The following TUBD1 variants were observed in gnomAD, a reference collection of about 807,000 sequenced individuals.
TUBD1 encodes the protein tubulin delta chain.
TUBD1 carries 38 observed loss-of-function variants against 51.2 expected under a neutral mutation model. The observed-to-expected ratio is 0.74, with a 90% CI of 0.57 to 0.97. TUBD1 has a LOEUF of 0.97. Among genes scored for constraint, TUBD1 ranks in the 50% least tolerant of loss-of-function variants. TUBD1 has a pLI of 0.00. For missense variants in TUBD1, 489 were observed against 538.4 expected, an observed-to-expected ratio of 0.91 and a Z score of 0.91; for synonymous variants, 169 against 178.2, an observed-to-expected ratio of 0.95 and a Z score of 0.41.
intron 6 of TUBD1, among the ~76,000 whole-genome samples, chr17:59,874,269 T>C (rs1471119665): frequency 1.3e-5 from 2 of 152,102 alleles, no homozygotes; most frequent in African/African-American, 4.8e-5. Context: ...TAAATGAGTT[T>C]TGGCTACTTG....
intron 6 of TUBD1, among the ~76,000 whole-genome samples, chr17:59,872,384 C>T (rs2040021868): frequency 6.6e-6 from 1 of 151,998 alleles, no homozygotes; most frequent in South Asian, 2.1e-4. Context: ...TGTGAGCCAT[C>T]ACATCTGAGA....
At position 59,881,076 on chromosome 17, in the gene TUBD1, T is replaced by C. The variant is rs375587743; in HGVS notation, c.355A>G (p.Ile119Val). The C allele has an allele frequency of 9.2e-5, 148 of 1,614,168 alleles. 1 individual carries two copies. In the South Asian group the frequency reaches 1.4e-3, roughly 15 times the overall value. The part of the protein sequence containing the change: ...SVHGPRHEES[I>V]MNIIRKEVEK... ...ACTTCCTTCCGGATTATGTTCATTA[T>C]AGATTCTTCATGCCTGGGTCCATGA... is the stretch of plus-strand genomic sequence containing the variant. The change falls in exon 4 of 9, where the codon ATA becomes GTA. Residue 119 changes from isoleucine (I) to valine (V), a missense_variant. By Grantham distance (29) the Ile-to-Val change is conservative (BLOSUM62 3). Coordinates refer to ENST00000325752, the MANE Select transcript of TUBD1 (RefSeq NM_016261.4).
At chr17:59,888,230 C>T (rs374148414) in intron 2 of TUBD1, among the ~76,000 whole-genome samples, 1 of 152,084 alleles carries the variant, frequency 6.6e-6, no homozygotes, top group Non-Finnish European at 1.5e-5. Context: ...CCACTGCACC[C>T]GGCCGATGTC....
chr17:59,890,018 G>A, intron 2 of TUBD1, among the ~76,000 whole-genome samples: 1 of 136,006 alleles, frequency 7.4e-6, no homozygotes, highest in Non-Finnish European at 1.6e-5. Flanking sequence ...AGCCAGGCAT[G>A]GTGGCATGCA....
intron 6 of TUBD1, among the ~76,000 whole-genome samples, chr17:59,871,227 G>A (rs1210429710): frequency 2.0e-5 from 3 of 152,108 alleles, no homozygotes; most frequent in East Asian, 1.9e-4. Flanking sequence ...ACAGGGTCTC[G>A]CTCTGTCGCC....
At chr17:59,863,482 G>A (rs550963308) in intron 8 of TUBD1, among the ~76,000 whole-genome samples, 182 bp downstream of exon 8, 8 of 152,042 alleles carry the variant, frequency 5.3e-5, no homozygotes, top group Non-Finnish European at 1.0e-4. Flanking sequence ...GGTGGTAGGC[G>A]CCTGTAATCC....
intron 6 of TUBD1, 60 bp downstream of exon 6, chr17:59,874,478 AG>A (rs1237482357): frequency 1.3e-6 from 2 of 1,534,122 alleles, no homozygotes; most frequent in East Asian, 4.6e-5. Flanking sequence ...GTTTATATTG[AG>A]ACTCCAGGAC....
intron 3 of TUBD1, among the ~76,000 whole-genome samples, chr17:59,881,686 C>T (rs1292056): frequency 0.51 from 77,572 of 151,222 alleles, 20,598 homozygotes; most frequent in African/African-American, 0.66. Flanking sequence ...AAGCTATTTT[C>T]TTTTTCTGAG....
In TUBD1 at chr17:59,890,914, G is replaced by C; in HGVS notation, c.89C>G (p.Ser30Cys). Residue 30 changes from serine (S) to cysteine (C), a missense_variant, in exon 2 of 9, where the codon TCC becomes TGC. Ser to Cys is a moderately radical substitution (Grantham distance 112). Transcript: ENST00000325752. ...FDALLSDSHS[S>C]QGLCSMRENE... ...CTCTCTCATAGAGCAGAGTCCCTGG[G>C]AACTGTGTGAGTCACTAAGCAAAGC... The C allele has an allele frequency of 1.9e-6, 3 of 1,613,894 alleles. No individual in the cohort carries two copies. Among genetic ancestry groups the C allele is most frequent in the Non-Finnish European group, 2.5e-6 (3 of 1,179,974 alleles).
chr17:59,891,139 T>C (rs772971696), intron 1 of TUBD1, 98 bp from the exon 2 acceptor site: 2 of 676,134 alleles, frequency 3.0e-6, no homozygotes, highest in Non-Finnish European at 4.8e-6. Flanking sequence ...AAAAGTCTTT[T>C]TTCCCCCCTG....
At chr17:59,885,253 C>A in intron 3 of TUBD1, 1 of 541,962 alleles carries the variant, frequency 1.8e-6, no homozygotes, top group South Asian at 1.6e-5. Flanking sequence ...AAGCTCCCTG[C>A]ATGAGAGGGA....
chr17:59,862,037 T>C (rs1290985607), intron 8 of TUBD1, among the ~76,000 whole-genome samples: 1 of 150,788 alleles, frequency 6.6e-6, no homozygotes, highest in African/African-American at 2.4e-5. Context: ...ATGAAAGTTA[T>C]AGGTGGCTGG....
chr17:59,881,195 G>T, intron 3 of TUBD1, 85 bp from the exon 4 acceptor site: 1 of 1,220,922 alleles, frequency 8.2e-7, no homozygotes, highest in Non-Finnish European at 1.2e-6. Context: ...ACAGGATAGA[G>T]AGGTTTTTTC....
At chr17:59,886,045 C>T (rs1471323762) in intron 3 of TUBD1, 38 bp downstream of exon 3, 11 of 1,608,374 alleles carry the variant, frequency 6.8e-6, no homozygotes, top group Non-Finnish European at 9.4e-6. Context: ...GACTGTGTAG[C>T]TGTCACTAAA....
Position 59,880,997 on chromosome 17 carries a change from C to A in TUBD1, c.434G>T (p.Gly145Val), listed in dbSNP as rs2040458650. The A allele has an allele frequency of 1.2e-6, 2 of 1,613,908 alleles. No individual in the cohort carries two copies. The highest frequency in any genetic ancestry group is 2.7e-5 in the African/African-American group (2 of 74,904). The change falls in exon 4 of 9, where the codon GGC becomes GTC. Residue 145 changes from glycine (G) to valine (V), a missense_variant. Physicochemically the swap from Gly to Val is moderately radical, Grantham distance 109. Transcript: ENST00000325752. ...GFFIIMSMAG[G>V]TGSGLGAFVT... ...GAAAGCTCCTAATCCTGATCCTGTG[C>A]CCCCAGCCATACTCATTATGATGAA...
At chr17:59,890,186 T>C (rs2040932593) in intron 2 of TUBD1, among the ~76,000 whole-genome samples, 1 of 152,120 alleles carries the variant, frequency 6.6e-6, no homozygotes, top group Non-Finnish European at 1.5e-5. Flanking sequence ...AAACTTTTCT[T>C]AGAGCAGCTT....
Position 59,863,766 on chromosome 17 carries a change from A to G in TUBD1, c.1157T>C (p.Phe386Ser). ...AFNVWKTQRA[F>S]SKYEKSAVLV... ...CACTGCAGACTTCTCATATTTGCTA[A>G]AGGCCCGCTGGGTTTTCCACACGTT... Residue 386 changes from phenylalanine to serine, a missense_variant, in exon 8 of 9, where the codon TTT becomes TCT. Coordinates refer to ENST00000325752, the MANE Select transcript of TUBD1 (RefSeq NM_016261.4). 1 of 1,611,580 alleles carries G rather than the reference A, an allele frequency of 6.2e-7. No homozygotes were observed. Among genetic ancestry groups the G allele is most frequent in the South Asian group, 1.1e-5 (1 of 90,338 alleles).
At chr17:59,869,871 T>C (rs1180618506) in intron 6 of TUBD1, among the ~76,000 whole-genome samples, 1 of 152,132 alleles carries the variant, frequency 6.6e-6, no homozygotes, top group East Asian at 1.9e-4. Context: ...AGCATATCAG[T>C]TTCCTGCCAC....
At chr17:59,890,454 G>A (rs1339805575) in intron 2 of TUBD1, among the ~76,000 whole-genome samples, 2 of 152,130 alleles carry the variant, frequency 1.3e-5, no homozygotes, top group African/African-American at 4.8e-5. Context: ...ATGTTGGTCA[G>A]GCTGGTCTTG....
Sources: allele counts gnomAD v4.1 joint callset (sites outside exome capture counted in the v4.1 genomes callset), GRCh38; gene constraint gnomAD v4.1.1; transcripts MANE v1.5; gene names NCBI Gene and HGNC (gene_info 2026-07-23, HGNC 2026-07-21).